The following CBFB variants were observed in gnomAD, a reference collection of about 807,000 sequenced individuals.
CBFB encodes CBF-beta.
Under a neutral mutation model 30.4 loss-of-function variants are expected in CBFB, and 9 were observed. The observed-to-expected ratio is 0.30, with a 90% CI of 0.18 to 0.52. CBFB has a LOEUF of 0.52. Ranked by LOEUF, CBFB falls within the 20% of genes least tolerant of loss-of-function variation. The pLI is 0.97. For synonymous variants in CBFB, 94 were observed against 84.0 expected, an observed-to-expected ratio of 1.12 and a Z score of -0.65; for missense variants, 170 against 244.0, an observed-to-expected ratio of 0.70 and a Z score of 2.02.
At chr16:67,054,483 A>G (rs1960654491) in intron 3 of CBFB, among the ~76,000 whole-genome samples, 1 of 152,136 alleles carries the variant, frequency 6.6e-6, no homozygotes, top group Admixed American at 6.5e-5. Flanking sequence ...TTCCTTGTGC[A>G]GGGTACTTGC....
intron 5 of CBFB, among the ~76,000 whole-genome samples, chr16:67,091,491 G>A (rs1360068682): frequency 1.3e-5 from 2 of 152,186 alleles, no homozygotes; most frequent in Non-Finnish European, 2.9e-5. Flanking sequence ...GGCTAAGAGA[G>A]GATAAGAAAC....
intron 4 of CBFB, among the ~76,000 whole-genome samples, chr16:67,068,528 C>T (rs1961124633): frequency 1.3e-5 from 2 of 152,210 alleles, no homozygotes; most frequent in South Asian, 4.1e-4. Flanking sequence ...AGAGGCTGTG[C>T]ACTGCTGTGG....
rs2145791457 is a variant in CBFB at position 67,099,053 on chromosome 16, C to G, written c.*275C>G. Reference sequence around the variant, plus strand: ...TTGGCATTATTTTAGGGAGTTGAAACTATCAACTGTAAAGCTCCTTTTCTT... The same window carrying G: ...TTGGCATTATTTTAGGGAGTTGAAAGTATCAACTGTAAAGCTCCTTTTCTT... On this transcript the variant is annotated 3_prime_UTR_variant, in exon 6 of 6. Transcript: ENST00000412916. 1 of 354,082 alleles carries G rather than the reference C, an allele frequency of 2.8e-6. No individual in the cohort carries two copies. The highest frequency in any genetic ancestry group is 1.3e-4 in the South Asian group (1 of 7,540). 21.9% of individuals were successfully genotyped at this position (354,082 alleles called of 1,614,324 possible).
intron 3 of CBFB, among the ~76,000 whole-genome samples, chr16:67,060,426 C>G (rs1597140524): frequency 6.6e-6 from 1 of 152,158 alleles, no homozygotes; most frequent in African/African-American, 2.4e-5. Flanking sequence ...ATAAAGAAAT[C>G]CCATACATGG....
intron 3 of CBFB, among the ~76,000 whole-genome samples, chr16:67,039,418 T>G (rs1966494377): frequency 6.6e-6 from 1 of 152,204 alleles, no homozygotes; most frequent in Non-Finnish European, 1.5e-5. Context: ...AAGTGGTGAA[T>G]GAATGTGATT....
At chr16:67,095,566 GC>G (rs1340718541) in intron 5 of CBFB, among the ~76,000 whole-genome samples, 1 of 152,100 alleles carries the variant, frequency 6.6e-6, no homozygotes, top group East Asian at 1.9e-4. Flanking sequence ...GAAAACTGTT[GC>G]TACTTGGGAA....
At chr16:67,067,466 C>T (rs565148669) in intron 4 of CBFB, among the ~76,000 whole-genome samples, 4 of 152,144 alleles carry the variant, frequency 2.6e-5, no homozygotes, top group South Asian at 2.1e-4. Context: ...TGCGGTGAGC[C>T]GAGATTGCGC....
intron 3 of CBFB, among the ~76,000 whole-genome samples, chr16:67,055,884 C>G (rs1207605551): frequency 6.6e-6 from 1 of 152,136 alleles, no homozygotes; most frequent in East Asian, 1.9e-4. Flanking sequence ...GAGGATGAGT[C>G]AGAACCAAGT....
chr16:67,082,163 A>G (rs1555539197), intron 4 of CBFB, 50 bp from the exon 5 acceptor site: 9 of 1,314,870 alleles, frequency 6.8e-6, no homozygotes, highest in South Asian at 3.3e-5. Flanking sequence ...CAAATATTGT[A>G]TTTTTTTTAT....
At position 67,091,861 on chromosome 16, in the gene CBFB, GTTGT is replaced by G. The variant is rs369392093; in HGVS notation, c.496-6826_496-6823del. On this transcript the variant is annotated intron_variant, in intron 5 of 5. Coordinates refer to ENST00000412916, the MANE Select transcript of CBFB (RefSeq NM_022845.3). ...CCATCATCTAGGTTTTGTTGTTGTT[GTTGT>G]TTGTTTGTTTGTTTGTTTGTTTTTT... Among the ~76,000 whole-genome samples the G allele has an allele frequency of 5.5e-3, 838 of 151,808 alleles. 1 individual carries two copies. Among genetic ancestry groups the G allele is most frequent in the African/African-American group, 0.015 (630 of 41,448 alleles).
intron 5 of CBFB, among the ~76,000 whole-genome samples, chr16:67,095,023 G>A (rs761449848): frequency 6.6e-5 from 10 of 151,302 alleles, no homozygotes; most frequent in African/African-American, 1.2e-4. Flanking sequence ...TTCAAGATCC[G>A]GCTGACCAAC....
intron 5 of CBFB, among the ~76,000 whole-genome samples, chr16:67,091,745 TTTTAC>T (rs1391974062): frequency 1.3e-5 from 2 of 152,208 alleles, no homozygotes; most frequent in Non-Finnish European, 2.9e-5. Context: ...TTTTTTTTAA[TTTTAC>T]TTTAAGTTCT....
chr16:67,098,010 C>T (rs1357095951), intron 5 of CBFB, among the ~76,000 whole-genome samples: 2 of 152,314 alleles, frequency 1.3e-5, no homozygotes, highest in East Asian at 3.9e-4. Context: ...CAATAAATGT[C>T]AGCTATTACT....
intron 3 of CBFB, among the ~76,000 whole-genome samples, chr16:67,048,778 C>T (rs971370117): frequency 1.4e-5 from 2 of 146,160 alleles, no homozygotes; most frequent in African/African-American, 2.5e-5. Flanking sequence ...TGGTCTCGAT[C>T]TCTTGACCTT....
In CBFB at chr16:67,082,201, G is replaced by T. The variant is rs1961579848; in HGVS notation, c.400-12G>T. 1.3e-6 allele frequency: 2 copies of T among 1,527,814 alleles called. No homozygotes were observed. The highest frequency in any genetic ancestry group is 8.9e-7 in the Non-Finnish European group (1 of 1,129,076). 94.6% of individuals were successfully genotyped at this position (1,527,814 alleles called of 1,614,324 possible). On this transcript the variant is annotated splice_polypyrimidine_tract_variant and intron_variant, in intron 4 of 5. Transcript: ENST00000412916. ...ATCAAAATTAAAATAGGTATTTCAT[G>T]TATTCTGACAGCAGGAGGATGCATT...
At chr16:67,053,977 G>A (rs1960640420) in intron 3 of CBFB, among the ~76,000 whole-genome samples, 1 of 151,820 alleles carries the variant, frequency 6.6e-6, no homozygotes, top group South Asian at 2.1e-4. Flanking sequence ...CCCAGCAGTG[G>A]GGAAGGCTTA....
intron 3 of CBFB, among the ~76,000 whole-genome samples, chr16:67,043,678 C>G (rs7191674): frequency 6.6e-6 from 1 of 152,204 alleles, no homozygotes; most frequent in East Asian, 1.9e-4. Flanking sequence ...AAATGAGGAT[C>G]AGAATGTCTG....
intron 5 of CBFB, among the ~76,000 whole-genome samples, chr16:67,086,654 T>A (rs1961740420): frequency 6.6e-6 from 1 of 152,238 alleles, no homozygotes; most frequent in Non-Finnish European, 1.5e-5. Flanking sequence ...ATTAATGGTC[T>A]CTGGAAAGAT....
intron 3 of CBFB, among the ~76,000 whole-genome samples, chr16:67,038,322 G>A (rs570044966): frequency 2.7e-5 from 4 of 148,992 alleles, no homozygotes; most frequent in East Asian, 1.9e-4. Flanking sequence ...GTATATATAC[G>A]TATATGTGTG....
Sources: gnomAD v4.1 joint callset for allele counts (sites outside exome capture counted in the v4.1 genomes callset) on GRCh38, gnomAD v4.1.1 for gene constraint, MANE v1.5 for transcripts, NCBI Gene and HGNC (gene_info 2026-07-23, HGNC 2026-07-21) for gene names.